The following PLB1 variants were observed in gnomAD, a reference collection of about 807,000 sequenced individuals.
PLB1 encodes phospholipase B1, membrane-associated.
A neutral mutation model predicts 227.4 loss-of-function variants in PLB1; 242 were observed. That is an observed-to-expected ratio of 1.06 (90% CI 0.96 to 1.18). PLB1 has a LOEUF of 1.18. PLB1 is among the 50% of genes most tolerant of loss of function. The pLI is 0.00. For missense variants in PLB1, 1,858 were observed against 1,816.3 expected (o/e 1.02, Z -0.42); for synonymous variants, 757 against 682.2 (o/e 1.11, Z -1.71).
At chr2:28,576,005 G>A (rs568426866) in intron 21 of PLB1, among the ~76,000 whole-genome samples, 7 of 152,316 alleles carry the variant, frequency 4.6e-5, no homozygotes, top group African/African-American at 1.2e-4. Context: ...ACAGTTGTAA[G>A]CATGATTAGG....
In PLB1 at chr2:28,552,977, CG is replaced by C; in HGVS notation, c.1135del (p.Val379PhefsTer8). Reference sequence around the variant, plus strand: ...TGTCCTGACAAAGACCCCTCCGATACGGTTCCCACCTCAGGTACACAGCTTG... The same window carrying C: ...TGTCCTGACAAAGACCCCTCCGATACGTTCCCACCTCAGGTACACAGCTTG... ...IRCPDKDPSD[T>X]VPTSVHRLKP... On this transcript the variant is annotated frameshift_variant, in exon 17 of 58. Coordinates refer to ENST00000327757, the MANE Select transcript of PLB1 (RefSeq NM_153021.5). LOFTEE classifies it high-confidence loss of function. 1 of 1,613,556 alleles carries C rather than the reference CG, an allele frequency of 6.2e-7. No homozygotes were observed.
At chr2:28,610,314 C>CTTT (rs34563648) in intron 43 of PLB1, among the ~76,000 whole-genome samples, 6 of 146,430 alleles carry the variant, frequency 4.1e-5, no homozygotes, top group African/African-American at 1.2e-4. Flanking sequence ...AGAACCAGCA[C>CTTT]TTTTTTTTTT....
chr2:28,598,712 A>G lies in PLB1; in HGVS notation c.2426A>G (p.Asn809Ser), dbSNP rs148245769. ...TGYAVGTGDA[N>S]DTNAFLNQAV... ...TACGCCGTGGGCACGGGTGATGCCA[A>G]TGACACGAATGCATTCCTCAATCAA... The change falls in exon 35 of 58, where the codon AAT becomes AGT. Residue 809 changes from asparagine to serine, a missense_variant. Asn to Ser is a conservative substitution (Grantham distance 46, BLOSUM62 1). Coordinates refer to ENST00000327757, the MANE Select transcript of PLB1 (RefSeq NM_153021.5). 3.5e-5 allele frequency: 57 copies of G among 1,614,118 alleles called. No homozygotes were observed. Among genetic ancestry groups the G allele is most frequent in the Admixed American group, 1.2e-4 (7 of 60,012 alleles).
intron 49 of PLB1, among the ~76,000 whole-genome samples, chr2:28,621,482 T>C (rs1458535096): frequency 1.3e-5 from 2 of 152,138 alleles, no homozygotes; most frequent in Non-Finnish European, 2.9e-5. Context: ...CACTAGGGAG[T>C]TAGATGTCAG....
At chr2:28,537,943 A>G (rs1248615329) in intron 9 of PLB1, among the ~76,000 whole-genome samples, 1 of 152,012 alleles carries the variant, frequency 6.6e-6, no homozygotes, top group East Asian at 1.9e-4. Context: ...GTTGGACCTG[A>G]TTTTCTTTGG....
intron 1 of PLB1, among the ~76,000 whole-genome samples, chr2:28,505,942 T>A (rs2148160823): frequency 6.6e-6 from 1 of 152,274 alleles, no homozygotes; most frequent in East Asian, 1.9e-4. Context: ...CCTCACACAC[T>A]TGTCTCCAAA....
chr2:28,525,341 A>C lies in PLB1; in HGVS notation c.284+34A>C, dbSNP rs374871450. 217 of 1,603,578 alleles carry C rather than the reference A, an allele frequency of 1.4e-4. 1 individual carries two copies. The highest frequency in any genetic ancestry group is 1.6e-4 in the Non-Finnish European group (183 of 1,172,644). On this transcript the variant is annotated intron_variant, in intron 5 of 57. Coordinates refer to ENST00000327757, the MANE Select transcript of PLB1 (RefSeq NM_153021.5). ...CCTGAAAACACAGAAAACAGAAAGG[A>C]GCCCGGAGATGCTCCCATCTAATCT...
At chr2:28,612,302 G>A (rs1047768369) in intron 43 of PLB1, among the ~76,000 whole-genome samples, 1 of 152,198 alleles carries the variant, frequency 6.6e-6, no homozygotes, top group East Asian at 1.9e-4. Flanking sequence ...CCCAGTCGCT[G>A]CTGAGTCCCT....
At chr2:28,519,854 T>C (rs1669283095) in intron 4 of PLB1, 91 bp downstream of exon 4, 8 of 918,682 alleles carry the variant, frequency 8.7e-6, no homozygotes, top group Middle Eastern at 2.2e-4. Context: ...GAACGTTTCA[T>C]TTTGGGAGAG....
intron 1 of PLB1, among the ~76,000 whole-genome samples, chr2:28,508,820 G>T (rs1335270330): frequency 6.6e-6 from 1 of 152,176 alleles, no homozygotes; most frequent in Non-Finnish European, 1.5e-5. Flanking sequence ...TGCCCCTAAG[G>T]TCACAGTGAG....
chr2:28,585,007 T>TG (rs370031897), intron 25 of PLB1, among the ~76,000 whole-genome samples: 60 of 152,344 alleles, frequency 3.9e-4, no homozygotes, highest in African/African-American at 1.4e-3. Flanking sequence ...CTAGAATGGC[T>TG]GGGAGGACTA....
chr2:28,613,408 TTTC>T (rs1009513823), intron 43 of PLB1, among the ~76,000 whole-genome samples: 1 of 152,222 alleles, frequency 6.6e-6, no homozygotes. Context: ...TTTCTCCCCA[TTTC>T]TTCTTTGTCT....
intron 40 of PLB1, 128 bp from the exon 41 acceptor site, chr2:28,604,527 T>C: frequency 3.1e-6 from 2 of 647,708 alleles, no homozygotes; most frequent in South Asian, 4.0e-5. Context: ...TGATTTGTGT[T>C]CTCAAGGGAA....
At chr2:28,631,152 CAAAAAAAAA>C (rs56107032) in intron 54 of PLB1, among the ~76,000 whole-genome samples, 10,475 of 137,676 alleles carry the variant, frequency 0.076, 407 homozygotes, top group Non-Finnish European at 0.096. Flanking sequence ...GACCCTATCT[CAAAAAAAAA>C]AAAAAGAAAA....
At chr2:28,614,159 G>C in intron 44 of PLB1, 63 bp downstream of exon 44, 1 of 1,438,010 alleles carries the variant, frequency 7.0e-7, no homozygotes, top group Non-Finnish European at 9.8e-7. Flanking sequence ...CAGGGGCTCG[G>C]GTGTGGTACA....
chr2:28,606,278 G>C (rs1684663376), intron 42 of PLB1, among the ~76,000 whole-genome samples: 1 of 152,188 alleles, frequency 6.6e-6, no homozygotes, highest in Non-Finnish European at 1.5e-5. Flanking sequence ...GCATATCCCT[G>C]CTAGAGAAGC....
At chr2:28,563,371 G>T (rs1416850513) in intron 18 of PLB1, among the ~76,000 whole-genome samples, 1 of 152,130 alleles carries the variant, frequency 6.6e-6, no homozygotes, top group Non-Finnish European at 1.5e-5. Flanking sequence ...CCCAGAGGGA[G>T]TGTGGGTGAC....
At position 28,541,797 on chromosome 2, in the gene PLB1, C is replaced by A. The variant is rs774743830; in HGVS notation, c.865C>A (p.Pro289Thr). The change falls in exon 13 of 58, where the codon CCA becomes ACA. Residue 289 changes from proline (P) to threonine (T), a missense_variant. Coordinates refer to ENST00000327757, the MANE Select transcript of PLB1 (RefSeq NM_153021.5). ...CCAGCCTTTCTTCTATGAGACCACCCCATCTCTACACTCGGTAAGTGGGGG... is the reference window on the plus strand; with the variant it reads ...CCAGCCTTTCTTCTATGAGACCACCACATCTCTACACTCGGTAAGTGGGGG... Reference protein sequence around the residue: ...VFQPFFYETTPSLHSEDPRLQ... With the variant: ...VFQPFFYETTTSLHSEDPRLQ... 14 of 1,612,532 alleles carry A rather than the reference C, an allele frequency of 8.7e-6. No homozygotes were observed. The highest frequency in any genetic ancestry group is 1.2e-5 in the Non-Finnish European group (14 of 1,178,726).
At chr2:28,507,130 A>G (rs1667722635) in intron 1 of PLB1, among the ~76,000 whole-genome samples, 1 of 152,130 alleles carries the variant, frequency 6.6e-6, no homozygotes, top group South Asian at 2.1e-4. Flanking sequence ...GGAAGATATT[A>G]GTATAGGAGG....
Sources: gnomAD v4.1 joint callset for allele counts (sites outside exome capture counted in the v4.1 genomes callset) on GRCh38, gnomAD v4.1.1 for gene constraint, MANE v1.5 for transcripts, NCBI Gene and HGNC (gene_info 2026-07-23, HGNC 2026-07-21) for gene names.